RAB3B: variants seen among roughly 807,000 people sequenced by gnomAD.
RAB3B encodes RAB3B, member RAS oncogene family.
Under a neutral mutation model 20.5 loss-of-function variants are expected in RAB3B, and 11 were observed. The ratio of observed to expected loss-of-function variants is 0.54; its 90% confidence interval spans 0.34 to 0.89. RAB3B has a LOEUF of 0.89. RAB3B is among the 40% of genes least tolerant of loss of function. RAB3B has a pLI of 0.02. For missense variants in RAB3B, 225 were observed against 280.9 expected (o/e 0.80, Z 1.42); for synonymous variants, 99 against 106.3 (o/e 0.93, Z 0.42).
chr1:51,967,499 C>A (rs111904623), intron 2 of RAB3B, among the ~76,000 whole-genome samples: 1,217 of 87,072 alleles, frequency 0.014, 28 homozygotes, highest in African/African-American at 0.041. Flanking sequence ...AGGTATTTTC[C>A]TTTTTCTTTT....
Position 51,984,387 on chromosome 1 carries a change from C to CTTT in RAB3B, c.-1+6162_-1+6164dup, listed in dbSNP as rs949424495. Among the ~76,000 whole-genome samples the CTTT allele has an allele frequency of 2.4e-4, 24 of 98,932 alleles. 1 individual carries two copies. The highest frequency in any genetic ancestry group is 6.6e-4 in the East Asian group (2 of 3,030). 64.9% of individuals were successfully genotyped at this position (98,932 alleles called of 152,430 possible). On this transcript the variant is annotated intron_variant, in intron 1 of 4. Transcript: ENST00000371655. The stretch of plus-strand genomic sequence containing the variant: ...CTATAGATGTGTCATAAGACCAATT[C>CTTT]TTTTTTTTTTTTTTTTTTTTTGAGA...
intron 2 of RAB3B, among the ~76,000 whole-genome samples, chr1:51,967,521 C>CTTTTTTTTTTTTTTCTTTTTTTTTTTT (rs1684871635): frequency 2.7e-5 from 1 of 36,496 alleles, no homozygotes; most frequent in Non-Finnish European, 5.7e-5. Flanking sequence ...TTTTCTTTTT[C>CTTTTTTTTTTTTTTCTTTTTTTTTTTT]TTTTTTTTTT....
At chr1:51,928,036 T>C (rs2124241821) in intron 4 of RAB3B, among the ~76,000 whole-genome samples, 1 of 152,234 alleles carries the variant, frequency 6.6e-6, no homozygotes, top group East Asian at 1.9e-4. Context: ...CCCACCTGCC[T>C]CAGCATCTAT....
In RAB3B at chr1:51,931,834, T is replaced by C. The variant is rs141957042; in HGVS notation, c.472+1484A>G. ...TCACCAGCTGGATGAGGGTAGAAGA[T>C]GGGGAGTAGAAGAGAGCATTCCAAG... On this transcript the variant is annotated intron_variant, in intron 4 of 4. Transcript: ENST00000371655. Among the ~76,000 whole-genome samples the C allele has an allele frequency of 3.3e-5, 5 of 152,016 alleles. No homozygotes were observed. In the East Asian group the frequency reaches 9.7e-4, roughly 29 times the overall value.
chr1:51,930,718 T>TA (rs1241815827), intron 4 of RAB3B, among the ~76,000 whole-genome samples: 4 of 152,146 alleles, frequency 2.6e-5, no homozygotes, highest in Non-Finnish European at 4.4e-5. Context: ...AATTCACCTT[T>TA]AAAAAATCTT....
At chr1:51,980,855 T>G (rs1329252631) in intron 1 of RAB3B, 3 of 677,702 alleles carry the variant, frequency 4.4e-6, no homozygotes, top group Non-Finnish European at 7.9e-6. Flanking sequence ...GATGGACTAT[T>G]TCCTGGAGAA....
Position 51,915,188 on chromosome 1 carries a change from GATA to G in RAB3B, c.*4736_*4738del, listed in dbSNP as rs1297011932. 6.6e-6 allele frequency: 1 copy of G among 152,120 alleles called. No individual in the cohort carries two copies. The highest frequency in any genetic ancestry group is 2.4e-5 in the African/African-American group (1 of 41,428). The allele number at this position is 152,120 out of a possible 1,614,324, so 9.4% of individuals were successfully genotyped here. A position where few individuals can be genotyped will look rare whatever the true frequency, so the allele number is the denominator to read the frequency against. On this transcript the variant is annotated 3_prime_UTR_variant, in exon 5 of 5. Coordinates refer to ENST00000371655, the MANE Select transcript of RAB3B (RefSeq NM_002867.4). ...GCTGTTTCCTTGACTGCCAAATTGG[GATA>G]ATAATATTTTAGAAACAGCATCTCC... is the stretch of plus-strand genomic sequence containing the variant.
Position 51,918,959 on chromosome 1 carries a change from T to G in RAB3B, c.*968A>C, listed in dbSNP as rs1035366168. 2 of 151,534 alleles carry G rather than the reference T, an allele frequency of 1.3e-5. No homozygotes were observed. The highest frequency in any genetic ancestry group is 4.9e-5 in the African/African-American group (2 of 41,154). The allele number at this position is 151,534 out of a possible 1,614,324, so 9.4% of individuals were successfully genotyped here. A position where few individuals can be genotyped will look rare whatever the true frequency, so the allele number is the denominator to read the frequency against. On this transcript the variant is annotated 3_prime_UTR_variant, in exon 5 of 5. Transcript: ENST00000371655. The stretch of plus-strand genomic sequence containing the variant: ...GGAACCTCTGACATTTTGTAGGGGA[T>G]AATCCTTTTCTCTTTTTTTTTTTTT...
chr1:51,919,929 A>G lies in RAB3B; in HGVS notation c.658T>C (p.Ter220GlnextTer42), dbSNP rs1419173666. Residue 220 changes from the stop codon to glutamine, a stop_lost, in exon 5 of 5, where the codon TAG becomes CAG. Transcript: ENST00000371655. ...PPLLQQNCSC[*>Q] The stretch of plus-strand genomic sequence containing the variant: ...GAGGTCAGGAAGGTGGGCCTTGCCT[A>G]GCATGAGCAGTTCTGCTGCAGCAGC... 2.5e-6 allele frequency: 4 copies of G among 1,612,000 alleles called. No individual in the cohort carries two copies. The highest frequency in any genetic ancestry group is 3.4e-6 in the Non-Finnish European group (4 of 1,179,042).
chr1:51,935,367 G>A (rs1330184200), intron 3 of RAB3B, among the ~76,000 whole-genome samples: 1 of 152,176 alleles, frequency 6.6e-6, no homozygotes, highest in Non-Finnish European at 1.5e-5. Flanking sequence ...TCTGGGCACT[G>A]GGGCTTGGAT....
chr1:51,952,211 C>T (rs552753984), intron 2 of RAB3B, among the ~76,000 whole-genome samples: 5 of 152,314 alleles, frequency 3.3e-5, no homozygotes, highest in South Asian at 2.1e-4. Flanking sequence ...AAGTTAGACA[C>T]ATGTGAATCC....
rs1025682213 is a variant in RAB3B, at chr1:51,919,816, T to C, written c.*111A>G. ...TAGCAGCAACTCATCTTGCTCTGAG[T>C]GTGGGCAGTGTGTAACAGGGAGAGT... On this transcript the variant is annotated 3_prime_UTR_variant, in exon 5 of 5. Coordinates refer to ENST00000371655, the MANE Select transcript of RAB3B (RefSeq NM_002867.4). 5 of 1,111,700 alleles carry C rather than the reference T, an allele frequency of 4.5e-6. No homozygotes were observed. The highest frequency in any genetic ancestry group is 3.2e-5 in the African/African-American group (2 of 63,160). 68.9% of individuals were successfully genotyped at this position (1,111,700 alleles called of 1,614,324 possible).
At chr1:51,925,777 T>A (rs1684235614) in intron 4 of RAB3B, among the ~76,000 whole-genome samples, 1 of 152,246 alleles carries the variant, frequency 6.6e-6, no homozygotes, top group Non-Finnish European at 1.5e-5. Flanking sequence ...TTCAGTCAGA[T>A]TCCAACCAGA....
chr1:51,947,960 G>A (rs1684587168), intron 2 of RAB3B, among the ~76,000 whole-genome samples: 2 of 151,738 alleles, frequency 1.3e-5, no homozygotes, highest in African/African-American at 2.4e-5. Context: ...TCCTTTCGTT[G>A]AGCTGAAATC....
At chr1:51,948,520 T>A (rs778215831) in intron 2 of RAB3B, among the ~76,000 whole-genome samples, 1 of 152,230 alleles carries the variant, frequency 6.6e-6, no homozygotes, top group Non-Finnish European at 1.5e-5. Flanking sequence ...GACAAACAGA[T>A]GAATACAAGC....
chr1:51,957,886 C>T (rs1349323773), intron 2 of RAB3B, among the ~76,000 whole-genome samples: 1 of 152,194 alleles, frequency 6.6e-6, no homozygotes, highest in African/African-American at 2.4e-5. Flanking sequence ...CCTTTGGGCT[C>T]AATCAGTTGA....
At chr1:51,941,131 T>C (rs1224183642) in intron 2 of RAB3B, among the ~76,000 whole-genome samples, 1 of 152,150 alleles carries the variant, frequency 6.6e-6, no homozygotes, top group Admixed American at 6.6e-5. Context: ...GGAGAACTTT[T>C]CTAAAGAAGA....
At chr1:51,977,161 T>C in intron 1 of RAB3B, 44 bp from the exon 2 acceptor site, 1 of 1,414,056 alleles carries the variant, frequency 7.1e-7, no homozygotes, top group Non-Finnish European at 1.0e-6. Context: ...ACCTTCGGTG[T>C]CACCCTGAGT....
chr1:51,977,252 G>C, intron 1 of RAB3B, 135 bp from the exon 2 acceptor site: 1 of 671,610 alleles, frequency 1.5e-6, no homozygotes, highest in Non-Finnish European at 2.6e-6. Context: ...ACACTACTCA[G>C]AATCACCCCA....
Sources: allele counts gnomAD v4.1 joint callset (sites outside exome capture counted in the v4.1 genomes callset), GRCh38; gene constraint gnomAD v4.1.1; transcripts MANE v1.5; gene names NCBI Gene and HGNC (gene_info 2026-07-23, HGNC 2026-07-21).